The following RAB27B variants were observed in gnomAD, a reference collection of about 807,000 sequenced individuals.
RAB27B encodes RAB27B, member RAS oncogene family, also known as ras-related protein Rab-27B.
In RAB27B, 15 loss-of-function variants were observed where a neutral mutation model predicts 24.6. That is an observed-to-expected ratio of 0.61 (90% CI 0.41 to 0.94). The LOEUF (loss-of-function observed/expected upper bound fraction) is 0.94, where lower values mean the gene tolerates loss of function less well. Ranked by LOEUF, RAB27B falls within the 40% of genes least tolerant of loss-of-function variation. The pLI is 0.00. For synonymous variants in RAB27B, 105 were observed against 92.5 expected (o/e 1.14, Z -0.78); for missense variants, 261 against 266.8 (o/e 0.98, Z 0.15).
rs1470978811 is a variant in RAB27B at position 54,749,778 on chromosome 18, TA to T, written c.-20+31639del. On this transcript the variant is annotated intron_variant, in intron 2 of 4. Coordinates refer to the RAB27B transcript ENST00000586570. ...AAGGAAGAAAGGAATAACATTTTTC[TA>T]ATATTCATAAGTGTAAAATAGAGGC... Among the ~76,000 whole-genome samples, 3 of 152,330 alleles carry T rather than the reference TA, an allele frequency of 2.0e-5. No homozygotes were observed. The East Asian group carries it at 5.8e-4, about 29-fold the overall frequency.
At position 54,891,495 on chromosome 18, in the gene RAB27B, G is replaced by A. The variant is rs1283824497; in HGVS notation, c.*2082G>A. The A allele has an allele frequency of 1.3e-5, 2 of 152,102 alleles. No homozygotes were observed. Among genetic ancestry groups the A allele is most frequent in the East Asian group, 3.9e-4 (2 of 5,192 alleles). The allele number at this position is 152,102 out of a possible 1,614,324, so 9.4% of individuals were successfully genotyped here. A position where few individuals can be genotyped will look rare whatever the true frequency, so the allele number is the denominator to read the frequency against. ...GATGTTTCTTCTGGAAGGAAAGTGA[G>A]CAGGAACAAGTTATATTGCCACTGC... On this transcript the variant is annotated 3_prime_UTR_variant, in exon 6 of 6. Transcript: ENST00000262094.
At chr18:54,837,770 A>G (rs1010949750) in intron 1 of RAB27B, among the ~76,000 whole-genome samples, 1 of 152,146 alleles carries the variant, frequency 6.6e-6, no homozygotes, top group Non-Finnish European at 1.5e-5. Context: ...AAGGTTATAT[A>G]TCTAATTATA....
intron 1 of RAB27B, among the ~76,000 whole-genome samples, chr18:54,836,234 A>G (rs540807005): frequency 3.3e-5 from 5 of 152,068 alleles, no homozygotes; most frequent in Admixed American, 3.3e-4. Context: ...AGTTGCTTTG[A>G]AGATGAATTT....
rs372630707 is a variant in RAB27B at position 54,855,305 on chromosome 18, C to T, written c.-19-22262C>T. On this transcript the variant is annotated intron_variant, in intron 1 of 5. Coordinates refer to ENST00000262094, the MANE Select transcript of RAB27B (RefSeq NM_004163.4). ...TTCCTCACTGGCTGCTCACCTCCTG[C>T]TGTGCAGCCCAGTTCCTAACAGGCC... 6.6e-4 allele frequency among the ~76,000 whole-genome samples: 101 copies of T among 152,328 alleles called. No individual in the cohort carries two copies. The South Asian group carries it at 0.015, about 22-fold the overall frequency.
intron 2 of RAB27B, among the ~76,000 whole-genome samples, chr18:54,798,785 T>G (rs895562559): frequency 1.3e-5 from 2 of 152,228 alleles, no homozygotes; most frequent in East Asian, 3.8e-4. Context: ...TACAATTATT[T>G]ATTTATGACT....
intron 1 of RAB27B, among the ~76,000 whole-genome samples, chr18:54,848,523 C>T (rs1193733872): frequency 6.6e-6 from 1 of 152,098 alleles, no homozygotes; most frequent in East Asian, 1.9e-4. Context: ...TTAAAACTGT[C>T]ATAGTTTATA....
chr18:54,773,097 G>A (rs1240763405), intron 2 of RAB27B, among the ~76,000 whole-genome samples: 1 of 151,658 alleles, frequency 6.6e-6, no homozygotes, highest in Non-Finnish European at 1.5e-5. Context: ...GGTTCATTTG[G>A]CAAAGGCCAT....
At chr18:54,794,341 CATT>C (rs1909347768) in intron 2 of RAB27B, among the ~76,000 whole-genome samples, 1 of 152,142 alleles carries the variant, frequency 6.6e-6, no homozygotes. Flanking sequence ...TTCTGAGTGT[CATT>C]ATCAATGACA....
At chr18:54,871,682 C>G (rs577641973) in intron 1 of RAB27B, among the ~76,000 whole-genome samples, 51 of 152,032 alleles carry the variant, frequency 3.4e-4, no homozygotes, top group African/African-American at 1.2e-3. Context: ...AACCCCGTCT[C>G]TACTAAAAAT....
At chr18:54,877,767 G>C (rs769279647) in intron 2 of RAB27B, 29 bp downstream of exon 2, 1 of 1,548,870 alleles carries the variant, frequency 6.5e-7, no homozygotes, top group South Asian at 1.3e-5. Flanking sequence ...TTCTAACCTT[G>C]TCACTCATCC....
chr18:54,739,317 G>A (rs56046268), intron 2 of RAB27B, among the ~76,000 whole-genome samples: 1,969 of 151,952 alleles, frequency 0.013, 48 homozygotes, highest in African/African-American at 0.045. Flanking sequence ...TTAGCCAGGC[G>A]TGGTGGTGGG....
intron 2 of RAB27B, among the ~76,000 whole-genome samples, chr18:54,805,426 T>G (rs1381351825): frequency 6.6e-6 from 1 of 152,234 alleles, no homozygotes; most frequent in Admixed American, 6.5e-5. Flanking sequence ...TTTTCTGTGC[T>G]TGTAGAAATT....
intron 2 of RAB27B, among the ~76,000 whole-genome samples, chr18:54,774,945 A>T (rs991106937): frequency 6.6e-6 from 1 of 152,222 alleles, no homozygotes; most frequent in Non-Finnish European, 1.5e-5. Context: ...ACTATACCTT[A>T]AAAATGCTTG....
intron 1 of RAB27B, among the ~76,000 whole-genome samples, chr18:54,867,689 C>A (rs1912295905): frequency 6.6e-6 from 1 of 151,898 alleles, no homozygotes; most frequent in Non-Finnish European, 1.5e-5. Context: ...TCGTGATTCG[C>A]CTGCCTCAGC....
intron 2 of RAB27B, among the ~76,000 whole-genome samples, chr18:54,773,123 T>G (rs925863682): frequency 6.6e-6 from 1 of 152,228 alleles, no homozygotes; most frequent in Non-Finnish European, 1.5e-5. Context: ...ATTTCTGTCC[T>G]GAATTTAATT....
At chr18:54,748,249 G>C (rs199994607) in intron 2 of RAB27B, among the ~76,000 whole-genome samples, 2 of 152,142 alleles carry the variant, frequency 1.3e-5, no homozygotes, top group East Asian at 3.9e-4. Flanking sequence ...GTGTGATAAA[G>C]ATATAAGCAC....
intron 1 of RAB27B, among the ~76,000 whole-genome samples, chr18:54,852,817 A>C (rs1911638769): frequency 6.6e-6 from 1 of 152,202 alleles, no homozygotes; most frequent in Non-Finnish European, 1.5e-5. Flanking sequence ...AAATGAAAGA[A>C]TTGACTTAAA....
intron 2 of RAB27B, among the ~76,000 whole-genome samples, chr18:54,761,387 C>G (rs1182871515): frequency 6.6e-6 from 1 of 152,222 alleles, no homozygotes; most frequent in African/African-American, 2.4e-5. Flanking sequence ...ATCTCTGCCA[C>G]ATAAATGCAT....
chr18:54,753,265 G>T (rs557845160), intron 2 of RAB27B, among the ~76,000 whole-genome samples: 13 of 152,162 alleles, frequency 8.5e-5, no homozygotes, highest in Non-Finnish European at 1.9e-4. Context: ...ATGTGGCAAT[G>T]CCCCTACAAA....
Sources: allele counts gnomAD v4.1 joint callset (sites outside exome capture counted in the v4.1 genomes callset), GRCh38; gene constraint gnomAD v4.1.1; transcripts MANE v1.5; gene names NCBI Gene and HGNC (gene_info 2026-07-23, HGNC 2026-07-21).